ALG6: variants seen among roughly 807,000 people sequenced by gnomAD.
ALG6 encodes the protein ALG6 alpha-1,3-glucosyltransferase.
ALG6 carries 46 observed loss-of-function variants against 66.6 expected under a neutral mutation model. The ratio of observed to expected loss-of-function variants is 0.69; its 90% CI spans 0.55 to 0.88. The LOEUF is 0.88. Among genes scored for constraint, ALG6 ranks in the 40% least tolerant of loss-of-function variants. The probability of loss-of-function intolerance (pLI) is 0.00; values close to 1 mark genes in which losing one functional copy is unlikely to be tolerated. For missense variants in ALG6, 505 were observed against 586.8 expected, an observed-to-expected ratio of 0.86 and a Z score of 1.44; for synonymous variants, 185 against 203.7, an observed-to-expected ratio of 0.91 and a Z score of 0.78.
intron 7 of ALG6, 73 bp from the exon 8 acceptor site, chr1:63,411,073 T>G: frequency 6.8e-7 from 1 of 1,472,134 alleles, no homozygotes; most frequent in Non-Finnish European, 9.5e-7. Context: ...AGCATATCTC[T>G]TGTGTGATTT....
At chr1:63,420,114 A>G (rs893470531) in intron 12 of ALG6, among the ~76,000 whole-genome samples, 1 of 152,228 alleles carries the variant, frequency 6.6e-6, no homozygotes, top group Non-Finnish European at 1.5e-5. Flanking sequence ...AGAATGACCA[A>G]TGACAAATGG....
Position 63,367,688 on chromosome 1 carries a change from G to T in ALG6, c.-208+1G>T, listed in dbSNP as rs1296102398. On this transcript the variant is annotated splice_donor_variant, in intron 1 of 14. Coordinates refer to ENST00000263440, the MANE Select transcript of ALG6 (RefSeq NM_013339.4). LOFTEE classifies it low-confidence loss of function (5UTR_SPLICE). ...ATCCCAGCGGCCGGCGGGCGGCGGG[G>T]TAAGAGCATGGGATCCCGGAGGTTC... 6.6e-6 allele frequency: 1 copy of T among 152,294 alleles called. No individual in the cohort carries two copies. The highest frequency in any genetic ancestry group is 6.5e-5 in the Admixed American group (1 of 15,288). The allele number at this position is 152,294 out of a possible 1,614,324, so 9.4% of individuals were successfully genotyped here.
At chr1:63,391,950 A>T (rs1648685835) in intron 2 of ALG6, among the ~76,000 whole-genome samples, 1 of 152,196 alleles carries the variant, frequency 6.6e-6, no homozygotes, top group Non-Finnish European at 1.5e-5. Flanking sequence ...TACTTGATCC[A>T]AAGTGTTACC....
intron 12 of ALG6, among the ~76,000 whole-genome samples, chr1:63,425,730 A>G (rs1644611867): frequency 6.6e-6 from 1 of 152,102 alleles, no homozygotes; most frequent in Non-Finnish European, 1.5e-5. Flanking sequence ...GAGTATTTCC[A>G]GGTTTATGGT....
In ALG6 at chr1:63,437,245, G is replaced by C. The variant is rs1291500492; in HGVS notation, c.*225G>C. ...TAAGTACTGCTTGGCCAAAACATGTGGTTTTATTATTCACAGCTATTCAAG... is the reference window on the plus strand; with the variant it reads ...TAAGTACTGCTTGGCCAAAACATGTCGTTTTATTATTCACAGCTATTCAAG... On this transcript the variant is annotated 3_prime_UTR_variant, in exon 15 of 15. Transcript: ENST00000263440. 4 of 467,032 alleles carry C rather than the reference G, an allele frequency of 8.6e-6. No individual in the cohort carries two copies. 28.9% of individuals were successfully genotyped at this position (467,032 alleles called of 1,614,324 possible). A position where few individuals can be genotyped will look rare whatever the true frequency, so the allele number is the denominator to read the frequency against.
At chr1:63,418,048 C>A (rs9436227) in intron 11 of ALG6, among the ~76,000 whole-genome samples, 343 of 151,426 alleles carry the variant, frequency 2.3e-3, no homozygotes, top group African/African-American at 8.0e-3. Context: ...GCAGGAGAAT[C>A]GCTTGAACCT....
chr1:63,428,019 A>G (rs540078650), intron 12 of ALG6, among the ~76,000 whole-genome samples: 1 of 152,050 alleles, frequency 6.6e-6, no homozygotes, highest in African/African-American at 2.4e-5. Context: ...CATGTTGGCC[A>G]GGCTGGTCTC....
intron 2 of ALG6, among the ~76,000 whole-genome samples, chr1:63,389,163 C>T (rs1279397904): frequency 1.3e-5 from 2 of 152,050 alleles, no homozygotes; most frequent in Admixed American, 6.6e-5. Flanking sequence ...AAACTTTCTA[C>T]CCTGATCTCT....
chr1:63,405,483 A>G (rs1254468718), intron 5 of ALG6, among the ~76,000 whole-genome samples: 1 of 152,158 alleles, frequency 6.6e-6, no homozygotes, highest in Non-Finnish European at 1.5e-5. Context: ...AACATCCTAC[A>G]GGAATTTGAA....
intron 2 of ALG6, among the ~76,000 whole-genome samples, chr1:63,374,943 C>T (rs1327902988): frequency 6.6e-6 from 1 of 152,140 alleles, no homozygotes. Flanking sequence ...AGCACAGTGG[C>T]TCATGCTTGT....
intron 8 of ALG6, 46 bp downstream of exon 8, chr1:63,411,377 A>AT (rs942189262): frequency 6.4e-7 from 1 of 1,569,892 alleles, no homozygotes; most frequent in Non-Finnish European, 8.7e-7. Context: ...ACTTCAGATA[A>AT]TTTTTTTGGC....
chr1:63,406,868 G>C (rs1460505618), intron 6 of ALG6, among the ~76,000 whole-genome samples, 194 bp from the exon 7 acceptor site: 10 of 152,006 alleles, frequency 6.6e-5, no homozygotes. Context: ...TTATGGAAGT[G>C]TCCAATGTCA....
intron 12 of ALG6, among the ~76,000 whole-genome samples, chr1:63,425,537 G>T (rs1644610760): frequency 6.6e-6 from 1 of 152,180 alleles, no homozygotes. Context: ...GGAAGTAGGA[G>T]GGAGAAGTGT....
chr1:63,418,694 A>G (rs537472120), intron 11 of ALG6, among the ~76,000 whole-genome samples: 1 of 152,310 alleles, frequency 6.6e-6, no homozygotes, highest in South Asian at 2.1e-4. Context: ...TTGCACTACT[A>G]CAAAGATGGA....
In ALG6 at chr1:63,398,665, C is replaced by T. The variant is rs544686476; in HGVS notation, c.167+2068C>T. Among the ~76,000 whole-genome samples the T allele has an allele frequency of 7.2e-5, 11 of 152,032 alleles. No individual in the cohort carries two copies. In the South Asian group the frequency reaches 2.3e-3, roughly 32 times the overall value. ...TTTTTTTTTGTATTTTTAGTAGAGA[C>T]AGGGTTTCACCATGTTAGCCAGGAT... On this transcript the variant is annotated intron_variant, in intron 3 of 14. Coordinates refer to ENST00000263440, the MANE Select transcript of ALG6 (RefSeq NM_013339.4).
At chr1:63,399,433 T>TG (rs1394409252) in intron 3 of ALG6, among the ~76,000 whole-genome samples, 1 of 152,164 alleles carries the variant, frequency 6.6e-6, no homozygotes, top group Non-Finnish European at 1.5e-5. Flanking sequence ...CAGCAGGAGA[T>TG]GGTGTTCTCA....
rs1644492705 is a variant in ALG6, at chr1:63,407,063, T to C, written c.431T>C (p.Ile144Thr). The change falls in exon 7 of 15, where the codon ATT becomes ACT. Residue 144 changes from isoleucine to threonine, a missense_variant and splice_region_variant. Coordinates refer to ENST00000263440, the MANE Select transcript of ALG6 (RefSeq NM_013339.4). Reference protein sequence around the residue: ...CLKEISTKKKIANALCILLYP... With the variant: ...CLKEISTKKKTANALCILLYP... ...ATCTCACAATATTTGTCTTTACAGA[T>C]TGCTAATGCATTATGCATCTTGCTG... is the stretch of plus-strand genomic sequence containing the variant. 1 of 1,605,464 alleles carries C rather than the reference T, an allele frequency of 6.2e-7. No individual in the cohort carries two copies. The highest frequency in any genetic ancestry group is 1.3e-5 in the African/African-American group (1 of 74,830).
At chr1:63,374,980 C>A (rs2100382608) in intron 2 of ALG6, among the ~76,000 whole-genome samples, 1 of 152,126 alleles carries the variant, frequency 6.6e-6, no homozygotes, top group East Asian at 1.9e-4. Flanking sequence ...GAGGCTGAGG[C>A]AGGGGGATCA....
chr1:63,417,613 G>A (rs1434690194), intron 11 of ALG6, among the ~76,000 whole-genome samples: 1 of 152,116 alleles, frequency 6.6e-6, no homozygotes, highest in African/African-American at 2.4e-5. Context: ...GTAACTGATA[G>A]CATGAATACT....
Sources: allele counts gnomAD v4.1 joint callset (sites outside exome capture counted in the v4.1 genomes callset), GRCh38; gene constraint gnomAD v4.1.1; transcripts MANE v1.5; gene names NCBI Gene and HGNC (gene_info 2026-07-23, HGNC 2026-07-21).